Variants in STAU2 observed in about 807,000 individuals in gnomAD.
STAU2 encodes the protein double-stranded RNA-binding protein Staufen homolog 2.
In STAU2, 20 loss-of-function variants were observed where a neutral mutation model predicts 65.9. The observed-to-expected ratio is 0.30, with a 90% CI of 0.21 to 0.44. The LOEUF is 0.44. Ranked by LOEUF, STAU2 falls within the 20% of genes least tolerant of loss-of-function variation. STAU2 has a pLI of 1.00. For synonymous variants in STAU2, 232 were observed against 233.9 expected (o/e 0.99, Z 0.07); for missense variants, 558 against 683.9 (o/e 0.82, Z 2.05).
At chr8:73,641,383 A>C (rs1014993873) in intron 6 of STAU2, among the ~76,000 whole-genome samples, 1 of 152,148 alleles carries the variant, frequency 6.6e-6, no homozygotes, top group African/African-American at 2.4e-5. Flanking sequence ...AAAAAAAAAG[A>C]ATCCTGGTAG....
chr8:73,709,279 T>C, intron 3 of STAU2, 117 bp from the exon 4 acceptor site: 3 of 951,108 alleles, frequency 3.2e-6, no homozygotes, highest in Non-Finnish European at 2.9e-6. Context: ...GAATTTTGTA[T>C]TTTAAAAATT....
intron 6 of STAU2, among the ~76,000 whole-genome samples, chr8:73,617,731 G>A (rs1164907297): frequency 5.3e-5 from 8 of 152,198 alleles, no homozygotes; most frequent in South Asian, 4.1e-4. Flanking sequence ...CTGGTGAGAA[G>A]TTTTCGGTCA....
intron 6 of STAU2, among the ~76,000 whole-genome samples, chr8:73,664,051 G>A (rs1267480362): frequency 6.6e-6 from 1 of 152,044 alleles, no homozygotes; most frequent in East Asian, 1.9e-4. Flanking sequence ...AGTATAATGT[G>A]GGGTTCTTTG....
At chr8:73,475,413 G>C (rs1038372977) in intron 13 of STAU2, among the ~76,000 whole-genome samples, 1 of 152,092 alleles carries the variant, frequency 6.6e-6, no homozygotes, top group African/African-American at 2.4e-5. Flanking sequence ...AGCTTGATTT[G>C]CTTCGAGGCT....
chr8:73,709,240 G>T, intron 3 of STAU2, 78 bp from the exon 4 acceptor site: 3 of 1,168,148 alleles, frequency 2.6e-6, no homozygotes, highest in South Asian at 2.3e-5. Flanking sequence ...TGACTTTGAA[G>T]GTAGATTGTA....
chr8:73,744,537 C>T (rs911581214), intron 1 of STAU2, among the ~76,000 whole-genome samples: 78 of 150,720 alleles, frequency 5.2e-4, no homozygotes, highest in African/African-American at 1.8e-3. Context: ...ACAGGAAAAC[C>T]GCTCTGCCTC....
intron 13 of STAU2, chr8:73,527,928 C>A (rs1805551107): frequency 3.4e-6 from 1 of 290,080 alleles, no homozygotes. Context: ...CCTTATTGAA[C>A]CCCTCCAATA....
At chr8:73,535,961 T>C (rs1806152622) in intron 13 of STAU2, among the ~76,000 whole-genome samples, 2 of 151,644 alleles carry the variant, frequency 1.3e-5, no homozygotes, top group African/African-American at 2.4e-5. Context: ...TAATTCATAA[T>C]GGCATTTAAT....
chr8:73,583,647 A>C (rs908431085), intron 11 of STAU2, among the ~76,000 whole-genome samples: 1 of 151,878 alleles, frequency 6.6e-6, no homozygotes, highest in Non-Finnish European at 1.5e-5. Context: ...ATATACAAAA[A>C]ATACAAATAT....
rs59636774 is a variant in STAU2 at position 73,527,890 on chromosome 8, T to TCAGGAAATTTCAAATAATTTA, written c.1530+24121_1530+24122insTAAATTATTTGAAATTTCCTG. 9.0e-5 allele frequency: 73 copies of TCAGGAAATTTCAAATAATTTA among 813,888 alleles called. 2 individuals carry two copies. The highest frequency in any genetic ancestry group is 4.6e-5 in the Non-Finnish European group (24 of 526,802). 50.4% of individuals were successfully genotyped at this position (813,888 alleles called of 1,614,324 possible). A position where few individuals can be genotyped will look rare whatever the true frequency, so the allele number is the denominator to read the frequency against. ...GGTCCTTTTGCAAAGGGTCTAGATTTCACAGAACACACTTTAAATATTTAA... is the reference window on the plus strand; with the variant it reads ...GGTCCTTTTGCAAAGGGTCTAGATTTCAGGAAATTTCAAATAATTTACACAGAACACACTTTAAATATTTAA... On this transcript the variant is annotated intron_variant, in intron 13 of 14. Transcript: ENST00000524300.
chr8:73,510,018 T>G (rs934702429), intron 13 of STAU2, among the ~76,000 whole-genome samples: 8 of 152,196 alleles, frequency 5.3e-5, no homozygotes, highest in African/African-American at 1.7e-4. Flanking sequence ...CATACAGCAT[T>G]TTGATGTAAA....
Position 73,652,552 on chromosome 8 carries a change from C to CA in STAU2, c.410+20554dup, listed in dbSNP as rs999724172. ...TGAAACCCCATCTCTACTAAAAATACAAAAAAAAAAATTAGCCAGGCGTGC... is the reference window on the plus strand; with the variant it reads ...TGAAACCCCATCTCTACTAAAAATACAAAAAAAAAAAATTAGCCAGGCGTGC... On this transcript the variant is annotated intron_variant, in intron 6 of 14. Coordinates refer to ENST00000524300, the MANE Select transcript of STAU2 (RefSeq NM_001164380.2). 4.0e-3 allele frequency: 575 copies of CA among 145,434 alleles called. 3 individuals carry two copies. The highest frequency in any genetic ancestry group is 9.6e-3 in the African/African-American group (381 of 39,842). The allele number at this position is 145,434 out of a possible 1,614,324, so 9.0% of individuals were successfully genotyped here. A position where few individuals can be genotyped will look rare whatever the true frequency, so the allele number is the denominator to read the frequency against.
rs934247823 is a variant in STAU2 at position 73,741,978 on chromosome 8, G to A, written c.-196-2110C>T. On this transcript the variant is annotated intron_variant, in intron 1 of 14. Transcript: ENST00000524300. ...ACACATGAAACTAATGTCTATAACAGCACTCTGTAATTGGCTAACATTCTG... is the reference window on the plus strand; with the variant it reads ...ACACATGAAACTAATGTCTATAACAACACTCTGTAATTGGCTAACATTCTG... 2.6e-5 allele frequency among the ~76,000 whole-genome samples: 4 copies of A among 152,174 alleles called. No individual in the cohort carries two copies. In the South Asian group the frequency reaches 8.3e-4, roughly 32 times the overall value.
chr8:73,633,926 C>T (rs34220413), intron 6 of STAU2, among the ~76,000 whole-genome samples: 29,388 of 151,694 alleles, frequency 0.19, 3,096 homozygotes, highest in East Asian at 0.37. Context: ...TGCAGTGAGC[C>T]GAGATCATGC....
chr8:73,557,556 G>A (rs1307531328), intron 12 of STAU2, among the ~76,000 whole-genome samples: 1 of 152,174 alleles, frequency 6.6e-6, no homozygotes, highest in East Asian at 1.9e-4. Context: ...ACTTCTATTA[G>A]TAGGATGTGA....
intron 13 of STAU2, among the ~76,000 whole-genome samples, chr8:73,436,980 C>T (rs1039434162): frequency 2.6e-5 from 4 of 152,172 alleles, no homozygotes; most frequent in Admixed American, 2.6e-4. Flanking sequence ...CATTAACACA[C>T]CTAACAATAT....
chr8:73,574,414 C>T (rs567227156), intron 12 of STAU2, among the ~76,000 whole-genome samples: 1 of 152,158 alleles, frequency 6.6e-6, no homozygotes, highest in Admixed American at 6.5e-5. Context: ...GGGTATATAC[C>T]CAAAGGATTA....
chr8:73,692,500 A>G lies in STAU2; in HGVS notation c.115-3687T>C, dbSNP rs1481156759. 2.6e-5 allele frequency among the ~76,000 whole-genome samples: 4 copies of G among 152,068 alleles called. No homozygotes were observed. In the East Asian group the frequency reaches 5.8e-4, roughly 22 times the overall value. Reference sequence around the variant, plus strand: ...CGTGAGCCACCACGCCGGCCCTCCTATGTACTCTTTATCTGGCTGTTCACC... The same window carrying G: ...CGTGAGCCACCACGCCGGCCCTCCTGTGTACTCTTTATCTGGCTGTTCACC... On this transcript the variant is annotated intron_variant, in intron 4 of 14. Transcript: ENST00000524300.
intron 13 of STAU2, among the ~76,000 whole-genome samples, chr8:73,465,795 ACC>A (rs1819623588): frequency 6.6e-6 from 1 of 151,800 alleles, no homozygotes; most frequent in African/African-American, 2.4e-5. Context: ...CCTATTTCTC[ACC>A]CCTGTCTTCA....
Sources: allele counts gnomAD v4.1 joint callset (sites outside exome capture counted in the v4.1 genomes callset), GRCh38; gene constraint gnomAD v4.1.1; transcripts MANE v1.5; gene names NCBI Gene and HGNC (gene_info 2026-07-23, HGNC 2026-07-21).